PPP2R2C: variants seen among roughly 807,000 people sequenced by gnomAD.
The protein encoded by PPP2R2C is protein phosphatase 2, regulatory subunit B, gamma.
PPP2R2C carries 10 observed loss-of-function variants against 45.3 expected under a neutral mutation model. The observed-to-expected ratio is 0.22, with a 90% confidence interval of 0.14 to 0.37. The LOEUF is 0.37. Ranked by LOEUF, PPP2R2C falls within the 10% of genes least tolerant of loss-of-function variation. The pLI is 1.00. For synonymous variants in PPP2R2C, 257 were observed against 245.4 expected, an observed-to-expected ratio of 1.05 and a Z score of -0.44; for missense variants, 308 against 619.7, an observed-to-expected ratio of 0.50 and a Z score of 5.34.
intron 1 of PPP2R2C, among the ~76,000 whole-genome samples, chr4:6,395,343 T>C (rs1395220714): frequency 6.6e-6 from 1 of 152,220 alleles, no homozygotes; most frequent in African/African-American, 2.4e-5. Context: ...CCAGAGCTTA[T>C]GCCAGGCAAC....
In PPP2R2C at chr4:6,323,061, C is replaced by T. The variant is rs956722987; in HGVS notation, c.*241G>A. 1.7e-5 allele frequency: 7 copies of T among 422,482 alleles called. No homozygotes were observed. Among genetic ancestry groups the T allele is most frequent in the East Asian group, 3.7e-5 (1 of 26,708 alleles). 26.2% of individuals were successfully genotyped at this position (422,482 alleles called of 1,614,324 possible). On this transcript the variant is annotated 3_prime_UTR_variant, in exon 9 of 9. Coordinates refer to ENST00000382599, the MANE Select transcript of PPP2R2C (RefSeq NM_020416.4). ...GTCATGTCCATTTTATGATTTGTGG[C>T]GGTGAACGCTTCCTTTCCTTTTTAT...
intron 2 of PPP2R2C, chr4:6,379,922 C>T (rs113867834): frequency 0.075 from 11,426 of 152,156 alleles, 457 homozygotes; most frequent in South Asian, 0.12. Context: ...AAGATGATTC[C>T]GCAGGTCCTC....
intron 1 of PPP2R2C, chr4:6,421,220 T>C (rs1259263402): frequency 1.3e-6 from 1 of 764,366 alleles, no homozygotes; most frequent in Non-Finnish European, 1.6e-6. Context: ...CAGGAGCCAA[T>C]GCCACAAAGG....
chr4:6,536,530 C>A (rs575617696), intron 1 of PPP2R2C, among the ~76,000 whole-genome samples: 2 of 152,156 alleles, frequency 1.3e-5, no homozygotes, highest in African/African-American at 4.8e-5. Context: ...GTGAATTAAA[C>A]CAGAAACGTA....
Position 6,333,626 on chromosome 4 carries a change from C to G in PPP2R2C, c.896G>C (p.Arg299Pro). Reference sequence around the variant, plus strand: ...CCAGACCTTGACTGTAAGGTAGTCCCGGGTGAGCATGTAGCGGCCGCTGTG... The same window carrying G: ...CCAGACCTTGACTGTAAGGTAGTCCGGGGTGAGCATGTAGCGGCCGCTGTG... ...FSHSGRYMLT[R>P]DYLTVKVWDL... Residue 299 changes from arginine to proline, a missense_variant, in exon 7 of 9, where the codon CGG (arginine) becomes CCG (proline). Arg to Pro is a moderately radical substitution (Grantham distance 103, BLOSUM62 -2). Coordinates refer to ENST00000382599, the MANE Select transcript of PPP2R2C (RefSeq NM_020416.4). 1 of 1,614,098 alleles carries G rather than the reference C, an allele frequency of 6.2e-7. No individual in the cohort carries two copies. Among genetic ancestry groups the G allele is most frequent in the Non-Finnish European group, 8.5e-7 (1 of 1,180,012 alleles).
chr4:6,437,448 T>C lies in PPP2R2C; in HGVS notation c.70+34712A>G, dbSNP rs144708029. Among the ~76,000 whole-genome samples the C allele has an allele frequency of 5.3e-5, 8 of 152,356 alleles. No homozygotes were observed. In the East Asian group the frequency reaches 1.3e-3, roughly 26 times the overall value. ...TGTTTCATTTTAAAGATGGGGGAAC[T>C]ACAGCCAGAGCGGGGAGTGGCTTGT... On this transcript the variant is annotated intron_variant, in intron 1 of 8. Transcript: ENST00000382599.
chr4:6,479,320 GCTTGTTCGACCA>G (rs1159866467), intron 2 of PPP2R2C, among the ~76,000 whole-genome samples: 1 of 152,166 alleles, frequency 6.6e-6, no homozygotes, highest in African/African-American at 2.4e-5. Context: ...GGCTCTCTTG[GCTTGTTCGACCA>G]CTTTGAACCT....
At chr4:6,405,581 G>T (rs1365331817) in intron 1 of PPP2R2C, among the ~76,000 whole-genome samples, 1 of 152,086 alleles carries the variant, frequency 6.6e-6, no homozygotes, top group Non-Finnish European at 1.5e-5. Context: ...TACTCTTTAT[G>T]GCTTCCTGGG....
chr4:6,366,596 A>T (rs1436633993), intron 5 of PPP2R2C, among the ~76,000 whole-genome samples: 1 of 152,184 alleles, frequency 6.6e-6, no homozygotes, highest in East Asian at 1.9e-4. Context: ...GCAGGCTTAG[A>T]GGGGCTCTGA....
At chr4:6,350,439 C>T in intron 5 of PPP2R2C, 1 of 985,446 alleles carries the variant, frequency 1.0e-6, no homozygotes. Context: ...AGAGGGGCTA[C>T]ATTCTCTCTG....
chr4:6,420,866 C>T (rs1718915312), intron 1 of PPP2R2C: 1 of 902,258 alleles, frequency 1.1e-6, no homozygotes, highest in African/African-American at 1.8e-5. Context: ...CTGGCACACA[C>T]ACTTGTTGGA....
intron 2 of PPP2R2C, among the ~76,000 whole-genome samples, chr4:6,520,162 G>A (rs546470206): frequency 2.6e-5 from 4 of 152,152 alleles, no homozygotes; most frequent in African/African-American, 9.6e-5. Flanking sequence ...GGGTACGCTG[G>A]GGAGTTGAGA....
At chr4:6,396,972 T>C (rs953477740) in intron 1 of PPP2R2C, among the ~76,000 whole-genome samples, 1 of 151,742 alleles carries the variant, frequency 6.6e-6, no homozygotes, top group African/African-American at 2.4e-5. Context: ...CTACCCACAG[T>C]TTAACAACTG....
chr4:6,419,223 G>GCCTGGCCAA (rs1232569808), intron 1 of PPP2R2C, among the ~76,000 whole-genome samples: 1 of 152,170 alleles, frequency 6.6e-6, no homozygotes, highest in Non-Finnish European at 1.5e-5. Flanking sequence ...TTCGAGACCA[G>GCCTGGCCAA]CCTGGCCAAC....
chr4:6,325,462 C>G (rs1432175853), intron 8 of PPP2R2C, among the ~76,000 whole-genome samples: 2 of 152,188 alleles, frequency 1.3e-5, no homozygotes, highest in East Asian at 3.9e-4. Flanking sequence ...AGGCCACACC[C>G]TCCCCGCGCC....
At chr4:6,505,759 A>C (rs1032818142) in intron 2 of PPP2R2C, among the ~76,000 whole-genome samples, 7 of 152,202 alleles carry the variant, frequency 4.6e-5, no homozygotes, top group Admixed American at 1.3e-4. Flanking sequence ...TGAGGTCAGG[A>C]GTTCAAGACC....
At chr4:6,344,576 C>T (rs1711648749) in intron 6 of PPP2R2C, among the ~76,000 whole-genome samples, 1 of 152,222 alleles carries the variant, frequency 6.6e-6, no homozygotes, top group South Asian at 2.1e-4. Context: ...CGTCTCTGTG[C>T]TCTCTAAATT....
intron 1 of PPP2R2C, chr4:6,382,452 A>C (rs1323603481): frequency 1.5e-6 from 2 of 1,351,858 alleles, no homozygotes; most frequent in Non-Finnish European, 2.0e-6. Flanking sequence ...CAACGTGATG[A>C]CCAAACTCCT....
rs959818023 is a variant in PPP2R2C, at chr4:6,345,362, T to C, written c.790+2484A>G. Among the ~76,000 whole-genome samples, 10 of 152,160 alleles carry C rather than the reference T, an allele frequency of 6.6e-5. No homozygotes were observed. Among genetic ancestry groups the C allele is most frequent in the Non-Finnish European group, 1.3e-4 (9 of 68,036 alleles). On this transcript the variant is annotated intron_variant, in intron 6 of 8. Coordinates refer to ENST00000382599, the MANE Select transcript of PPP2R2C (RefSeq NM_020416.4). This position sits in a 1 kb window ranked among gnomAD's most constrained non-coding sequence, Gnocchi z 5.3. ...CGGTGGAACGGCCCCCAGAGACGGCTGCGTCCTGATCCCTAGCACCTGTGA... is the reference window on the plus strand; with the variant it reads ...CGGTGGAACGGCCCCCAGAGACGGCCGCGTCCTGATCCCTAGCACCTGTGA...
Sources: allele counts gnomAD v4.1 joint callset (sites outside exome capture counted in the v4.1 genomes callset), GRCh38; gene constraint gnomAD v4.1.1; non-coding constraint Gnocchi (gnomAD v3.1); transcripts MANE v1.5; gene names NCBI Gene and HGNC (gene_info 2026-07-23, HGNC 2026-07-21).